The following ATP2C1 variants were observed in gnomAD, a reference collection of about 807,000 sequenced individuals.
ATP2C1 encodes ATPase secretory pathway Ca2+ transporting 1, also known as calcium-transporting ATPase type 2C member 1.
Under a neutral mutation model 120.5 loss-of-function variants are expected in ATP2C1, and 31 were observed. That is an observed-to-expected ratio of 0.26 (90% CI 0.19 to 0.35). The LOEUF is 0.35. ATP2C1 is among the 10% of genes least tolerant of loss of function. The pLI is 1.00. For synonymous variants in ATP2C1, 351 were observed against 358.7 expected, an observed-to-expected ratio of 0.98 and a Z score of 0.24; for missense variants, 731 against 1,107.5, an observed-to-expected ratio of 0.66 and a Z score of 4.83.
chr3:130,941,046 C>T (rs2059877689), intron 7 of ATP2C1, among the ~76,000 whole-genome samples: 1 of 149,760 alleles, frequency 6.7e-6, no homozygotes, highest in Admixed American at 6.7e-5. Flanking sequence ...TCCTGAGTAG[C>T]TGGGACTACA....
chr3:130,986,090 G>A (rs1439583606), intron 20 of ATP2C1, among the ~76,000 whole-genome samples: 1 of 151,864 alleles, frequency 6.6e-6, no homozygotes, highest in Non-Finnish European at 1.5e-5. Flanking sequence ...GATCATAGAT[G>A]ACTGTTGGGA....
At chr3:130,952,829 C>T (rs956349621) in intron 8 of ATP2C1, among the ~76,000 whole-genome samples, 1 of 152,208 alleles carries the variant, frequency 6.6e-6, no homozygotes, top group African/African-American at 2.4e-5. Context: ...CTTGTAAATA[C>T]TGTCTGTTAG....
chr3:130,959,129 T>A (rs1002895241), intron 11 of ATP2C1, 146 bp from the exon 12 acceptor site: 1 of 622,958 alleles, frequency 1.6e-6, no homozygotes, highest in Non-Finnish European at 2.9e-6. Context: ...CTCCCCTGTT[T>A]AATGGATTTT....
At chr3:130,994,200 A>G in intron 22 of ATP2C1, 102 bp downstream of exon 22, 1 of 1,413,018 alleles carries the variant, frequency 7.1e-7, no homozygotes, top group South Asian at 1.2e-5. Flanking sequence ...GTATTTAAAC[A>G]TTAGGTAAAC....
chr3:130,983,447 T>C (rs1301076894), intron 20 of ATP2C1, among the ~76,000 whole-genome samples: 1 of 152,264 alleles, frequency 6.6e-6, no homozygotes, highest in Non-Finnish European at 1.5e-5. Flanking sequence ...TACTGTAGTA[T>C]ATTTATTGCA....
chr3:130,869,198 GTGCTT>G (rs1199663659), intron 1 of ATP2C1: 4 of 124,936 alleles, frequency 3.2e-5, no homozygotes, highest in African/African-American at 1.3e-4. Flanking sequence ...GGTGCAAGAT[GTGCTT>G]TGTTAAACAG....
At chr3:131,013,000 A>G (rs2063390123) in intron 26 of ATP2C1, among the ~76,000 whole-genome samples, 1 of 152,258 alleles carries the variant, frequency 6.6e-6, no homozygotes, top group South Asian at 2.1e-4. Flanking sequence ...CTTTAGGGCT[A>G]TTCCTGATGG....
Position 131,002,222 on chromosome 3 carries a change from T to C in ATP2C1, c.*872T>C. ...ATATACTTTGTCAAATATCATTTTG[T>C]CATCCTCTAAATATAAATCCAAATA... On this transcript the variant is annotated 3_prime_UTR_variant, in exon 28 of 28. Transcript: ENST00000510168. The C allele has an allele frequency of 1.0e-6, 1 of 966,856 alleles. No homozygotes were observed. The highest frequency in any genetic ancestry group is 1.2e-6 in the Non-Finnish European group (1 of 813,078). 59.9% of individuals were successfully genotyped at this position (966,856 alleles called of 1,614,324 possible).
intron 18 of ATP2C1, among the ~76,000 whole-genome samples, chr3:130,977,684 A>G (rs2061582856): frequency 6.6e-6 from 1 of 152,152 alleles, no homozygotes; most frequent in Admixed American, 6.6e-5. Flanking sequence ...AGTAGACCAG[A>G]GTTGGTAGAG....
At chr3:130,977,063 G>T (rs192433061) in intron 18 of ATP2C1, among the ~76,000 whole-genome samples, 22 of 152,206 alleles carry the variant, frequency 1.4e-4, no homozygotes, top group African/African-American at 5.3e-4. Context: ...GTTAAGGCTT[G>T]ACCCAGGATT....
intron 2 of ATP2C1, among the ~76,000 whole-genome samples, chr3:130,929,472 A>C (rs187962522): frequency 5.3e-5 from 8 of 152,332 alleles, no homozygotes; most frequent in Non-Finnish European, 8.8e-5. Context: ...TAAAAATGTT[A>C]ATTATCCAAG....
intron 1 of ATP2C1, among the ~76,000 whole-genome samples, chr3:130,878,367 C>T (rs2669860): frequency 0.052 from 7,948 of 152,114 alleles, 304 homozygotes; most frequent in Middle Eastern, 0.13. Context: ...TAATTGTTTT[C>T]GGAATGTTTT....
intron 1 of ATP2C1, among the ~76,000 whole-genome samples, chr3:130,872,855 T>C (rs532477820): frequency 5.9e-5 from 9 of 152,270 alleles, no homozygotes; most frequent in South Asian, 4.1e-4. Flanking sequence ...AGTGCTGGGA[T>C]TACAGGTGTG....
intron 1 of ATP2C1, among the ~76,000 whole-genome samples, chr3:130,886,494 A>G (rs909891195): frequency 3.9e-5 from 6 of 151,922 alleles, no homozygotes; most frequent in Non-Finnish European, 7.4e-5. Context: ...TTTTAAGGCT[A>G]TTTTCTAGAT....
At chr3:130,941,252 G>GTGTGTGTGTC (rs1553764224) in intron 7 of ATP2C1, among the ~76,000 whole-genome samples, 2,723 of 144,232 alleles carry the variant, frequency 0.019, 37 homozygotes, top group South Asian at 0.025. Flanking sequence ...GTGTGTGTGT[G>GTGTGTGTGTC]TGTGTGTGTG....
chr3:130,893,992 A>G, upstream of ATP2C1: 5 of 985,690 alleles, frequency 5.1e-6, no homozygotes, highest in Non-Finnish European at 6.0e-6. Context: ...TAATAGTGAC[A>G]AAGCTGGGTT....
intron 15 of ATP2C1, 37 bp downstream of exon 15, chr3:130,967,277 A>C: frequency 1.2e-6 from 2 of 1,612,404 alleles, no homozygotes; most frequent in South Asian, 2.2e-5. Context: ...GACTTTCTTC[A>C]TAATAACTTA....
At chr3:130,974,480 G>A (rs2061460698) in intron 17 of ATP2C1, among the ~76,000 whole-genome samples, 1 of 152,204 alleles carries the variant, frequency 6.6e-6, no homozygotes, top group African/African-American at 2.4e-5. Flanking sequence ...GCCAAAGCAA[G>A]TCATACCTGA....
At chr3:131,013,987 C>G (rs2063448461) in intron 26 of ATP2C1, 2 of 1,154,526 alleles carry the variant, frequency 1.7e-6, no homozygotes, top group African/African-American at 3.1e-5. Flanking sequence ...CTAATTGTTT[C>G]AAGGGTGGTA....
Sources: allele counts gnomAD v4.1 joint callset (sites outside exome capture counted in the v4.1 genomes callset), GRCh38; gene constraint gnomAD v4.1.1; transcripts MANE v1.5; gene names NCBI Gene and HGNC (gene_info 2026-07-23, HGNC 2026-07-21).